Variants in TMEM178A observed in about 807,000 individuals in gnomAD.
TMEM178A encodes the protein transmembrane protein 178A.
A neutral mutation model predicts 29.1 loss-of-function variants in TMEM178A; 12 were observed. The observed-to-expected ratio is 0.41, with a 90% confidence interval of 0.26 to 0.67. The LOEUF is 0.67. Among genes scored for constraint, TMEM178A ranks in the 30% least tolerant of loss-of-function variants. TMEM178A has a pLI of 0.29. For missense variants in TMEM178A, 366 were observed against 419.1 expected (o/e 0.87, Z 1.11); for synonymous variants, 210 against 187.2 (o/e 1.12, Z -0.99).
chr2:39,683,026 C>G lies in TMEM178A; in HGVS notation c.400+16652C>G, dbSNP rs558055940. 4.5e-4 allele frequency among the ~76,000 whole-genome samples: 68 copies of G among 152,264 alleles called. 2 individuals are homozygous for G. Among genetic ancestry groups the G allele is most frequent in the Non-Finnish European group, 7.8e-4 (53 of 68,016 alleles). On this transcript the variant is annotated intron_variant, in intron 1 of 3. Coordinates refer to ENST00000281961, the MANE Select transcript of TMEM178A (RefSeq NM_152390.3). ...GCAGTGGCAAAGGCTGAATTAGGAC[C>G]CATGGATGCAGAACTTCTAGTTAAT...
chr2:39,715,902 G>C (rs139412651), intron 3 of TMEM178A, among the ~76,000 whole-genome samples: 156 of 152,262 alleles, frequency 1.0e-3, no homozygotes, highest in Admixed American at 2.2e-3. Context: ...GGTAGAGGGC[G>C]GGGAGCTTTG....
chr2:39,728,623 T>C, the TMEM178A span, among the ~76,000 whole-genome samples: 2 of 152,198 alleles, frequency 1.3e-5, no homozygotes, highest in African/African-American at 4.8e-5. Context: ...TAGCAGAGAC[T>C]AAAATCATGA....
At chr2:39,668,599 T>C (rs1051836313) in intron 1 of TMEM178A, among the ~76,000 whole-genome samples, 1 of 152,242 alleles carries the variant, frequency 6.6e-6, no homozygotes, top group African/African-American at 2.4e-5. Flanking sequence ...TTATAATTAA[T>C]AACAATGTAA....
chr2:39,727,625 G>A, the TMEM178A span, among the ~76,000 whole-genome samples: 4 of 152,022 alleles, frequency 2.6e-5, no homozygotes, highest in Admixed American at 6.5e-5. Flanking sequence ...GTGCAGGTTC[G>A]TTACGTAGGT....
rs2148102581 is a variant in TMEM178A, at chr2:39,704,179, G to A, written c.499G>A (p.Glu167Lys). 2 of 1,614,066 alleles carry A rather than the reference G, an allele frequency of 1.2e-6. No homozygotes were observed. Among genetic ancestry groups the A allele is most frequent in the Non-Finnish European group, 8.5e-7 (1 of 1,179,934 alleles). ...FNLTKTIQQD[E>K]WHLLHLRRIT... ...TTTAACCAAGACCATACAGCAAGAT[G>A]AGTGGCACCTGCTTCGTAAGTATTT... The change falls in exon 2 of 4, where the codon GAG becomes AAG. Residue 167 changes from glutamate (E) to lysine (K), a missense_variant. Glu to Lys is a moderately conservative substitution (Grantham distance 56). Coordinates refer to ENST00000281961, the MANE Select transcript of TMEM178A (RefSeq NM_152390.3).
In TMEM178A at chr2:39,666,387, C is replaced by T. The variant is rs981003584; in HGVS notation, c.400+13C>T. 7.4e-7 allele frequency: 1 copy of T among 1,343,974 alleles called. No homozygotes were observed. Among genetic ancestry groups the T allele is most frequent in the Non-Finnish European group, 9.6e-7 (1 of 1,043,448 alleles). The allele number at this position is 1,343,974 out of a possible 1,614,324, so 83.3% of individuals were successfully genotyped here. A position where few individuals can be genotyped will look rare whatever the true frequency, so the allele number is the denominator to read the frequency against. ...CTCATCCTGAAAGGTGAGCGGCGGG[C>T]GCACCCCGCGTCCCCGGCGCCCGCG... On this transcript the variant is annotated intron_variant, in intron 1 of 3. Coordinates refer to ENST00000281961, the MANE Select transcript of TMEM178A (RefSeq NM_152390.3).
intron 1 of TMEM178A, among the ~76,000 whole-genome samples, chr2:39,669,359 A>G (rs902952067): frequency 6.6e-6 from 1 of 152,230 alleles, no homozygotes; most frequent in African/African-American, 2.4e-5. Flanking sequence ...GACAAGAGAG[A>G]TATATTTCTG....
rs540455776 is a variant in TMEM178A, at chr2:39,666,262, C to T, written c.288C>T (p.Leu96=). 2.7e-5 allele frequency: 38 copies of T among 1,386,034 alleles called. No homozygotes were observed. The South Asian group carries it at 5.0e-4, about 18-fold the overall frequency. 85.9% of individuals were successfully genotyped at this position (1,386,034 alleles called of 1,614,324 possible). Reference sequence around the variant, plus strand: ...AGTCCTGGCGCTCGCTCCTGGGGCTCGGCGGGCTGGACGCCGAGTGCGGCC... The same window carrying T: ...AGTCCTGGCGCTCGCTCCTGGGGCTTGGCGGGCTGGACGCCGAGTGCGGCC... ...DPESWRSLLG[L]GGLDAECGRP... is the part of the protein sequence containing the mutation. Residue 96 remains leucine (L), a synonymous_variant, in exon 1 of 4, where the codon CTC becomes CTT. Coordinates refer to ENST00000281961, the MANE Select transcript of TMEM178A (RefSeq NM_152390.3).
chr2:39,708,218 C>A (rs1242967563), intron 3 of TMEM178A, among the ~76,000 whole-genome samples: 1 of 151,940 alleles, frequency 6.6e-6, no homozygotes, highest in Non-Finnish European at 1.5e-5. Flanking sequence ...ACTGGGGAAA[C>A]CGCCAGTGCC....
intron 1 of TMEM178A, among the ~76,000 whole-genome samples, chr2:39,700,476 A>G (rs1308874764): frequency 6.6e-6 from 1 of 151,984 alleles, no homozygotes; most frequent in African/African-American, 2.4e-5. Flanking sequence ...TTTGTTTGAT[A>G]TTAGTATAGC....
the TMEM178A span, among the ~76,000 whole-genome samples, chr2:39,726,495 G>C: frequency 6.6e-6 from 1 of 152,300 alleles, no homozygotes; most frequent in African/African-American, 2.4e-5. Context: ...TAAAACCCAA[G>C]ACTTCGGGTT....
the TMEM178A span, among the ~76,000 whole-genome samples, chr2:39,724,647 T>G: frequency 2.0e-5 from 3 of 152,176 alleles, no homozygotes; most frequent in African/African-American, 7.2e-5. Context: ...CGCTGTGCAG[T>G]GACTTAGAAA....
chr2:39,723,574 G>A, the TMEM178A span, among the ~76,000 whole-genome samples: 7 of 152,152 alleles, frequency 4.6e-5, no homozygotes, highest in Non-Finnish European at 7.4e-5. Context: ...AGCTTCTCCA[G>A]TGCTGTTTCT....
intron 3 of TMEM178A, among the ~76,000 whole-genome samples, chr2:39,716,418 TG>T (rs1291623827): frequency 1.3e-5 from 2 of 152,238 alleles, no homozygotes; most frequent in Non-Finnish European, 2.9e-5. Context: ...TTGAAATGGA[TG>T]ATCTCCTTGC....
chr2:39,733,606 A>C, the TMEM178A span, among the ~76,000 whole-genome samples: 1 of 152,108 alleles, frequency 6.6e-6, no homozygotes, highest in Admixed American at 6.6e-5. Flanking sequence ...GTCCTTATTT[A>C]CTTACATATT....
the TMEM178A span, among the ~76,000 whole-genome samples, chr2:39,731,960 T>C: frequency 3.6e-4 from 55 of 152,296 alleles, no homozygotes; most frequent in African/African-American, 1.2e-3. Flanking sequence ...CTTGAGACCA[T>C]TCCAATAGGA....
chr2:39,720,302 G>A (rs1359165505), downstream of TMEM178A, among the ~76,000 whole-genome samples: 1 of 152,166 alleles, frequency 6.6e-6, no homozygotes, highest in African/African-American at 2.4e-5. Context: ...CCACAAGTGA[G>A]CTAGAGGGAA....
chr2:39,716,991 C>G lies in TMEM178A; in HGVS notation c.653-19C>G, dbSNP rs1398268555. On this transcript the variant is annotated intron_variant, in intron 3 of 3. Transcript: ENST00000281961. ...GCAAACTGTAACTAATCATTCTGTT[C>G]TCTTTGTATTATTTATAGGGATATT... 1 of 1,602,700 alleles carries G rather than the reference C, an allele frequency of 6.2e-7. No homozygotes were observed. Among genetic ancestry groups the G allele is most frequent in the Non-Finnish European group, 8.5e-7 (1 of 1,173,058 alleles).
chr2:39,673,751 G>A lies in TMEM178A; in HGVS notation c.400+7377G>A, dbSNP rs182136596. Among the ~76,000 whole-genome samples, 359 of 152,350 alleles carry A rather than the reference G, an allele frequency of 2.4e-3. 4 individuals are homozygous for A. The highest frequency in any genetic ancestry group is 8.1e-3 in the African/African-American group (337 of 41,578). On this transcript the variant is annotated intron_variant, in intron 1 of 3. Transcript: ENST00000281961. ...TTACAGCAGAACTAGCAGGGTAGGG[G>A]CAGTGGTGGATGGGAGGCTATACTG... is the stretch of plus-strand genomic sequence containing the variant.
Sources: allele counts gnomAD v4.1 joint callset (sites outside exome capture counted in the v4.1 genomes callset), GRCh38; gene constraint gnomAD v4.1.1; transcripts MANE v1.5; gene names NCBI Gene and HGNC (gene_info 2026-07-23, HGNC 2026-07-21).